The following BEND6 variants were observed in gnomAD, a reference collection of about 807,000 sequenced individuals.
The protein encoded by BEND6 is BEN domain containing 6, also known as BEN domain-containing protein 6.
A neutral mutation model predicts 31.8 loss-of-function variants in BEND6; 24 were observed. That is an observed-to-expected ratio of 0.75 (90% CI 0.55 to 1.06). The LOEUF (loss-of-function observed/expected upper bound fraction) is 1.06, where lower values mean the gene tolerates loss of function less well. Among genes scored for constraint, BEND6 ranks in the 50% least tolerant of loss-of-function variants. The pLI is 0.00. For missense variants in BEND6, 294 were observed against 327.4 expected (o/e 0.90, Z 0.79); for synonymous variants, 109 against 114.6 (o/e 0.95, Z 0.31).
At chr6:57,005,595 G>A (rs564648020) in intron 3 of BEND6, among the ~76,000 whole-genome samples, 31 of 151,476 alleles carry the variant, frequency 2.0e-4, no homozygotes, top group Non-Finnish European at 4.0e-4. Flanking sequence ...CGGGAGAATC[G>A]CTTGAACCCG....
At chr6:56,980,600 C>T (rs560390457) in intron 1 of BEND6, among the ~76,000 whole-genome samples, 6 of 152,280 alleles carry the variant, frequency 3.9e-5, no homozygotes, top group Non-Finnish European at 8.8e-5. Flanking sequence ...AAGCACTATT[C>T]ATGTATTTGA....
intron 6 of BEND6, among the ~76,000 whole-genome samples, chr6:57,022,126 A>C (rs906354179): frequency 4.0e-5 from 6 of 148,460 alleles, no homozygotes; most frequent in African/African-American, 1.5e-4. Context: ...TGAGTTTGGA[A>C]GTATTCCCTC....
intron 3 of BEND6, among the ~76,000 whole-genome samples, chr6:56,997,296 T>G (rs1431457810): frequency 1.3e-5 from 2 of 152,180 alleles, no homozygotes; most frequent in African/African-American, 4.8e-5. Flanking sequence ...GTGACCTTCC[T>G]CCCATCTAAA....
intron 3 of BEND6, among the ~76,000 whole-genome samples, chr6:56,996,694 C>G (rs1221726527): frequency 6.6e-6 from 1 of 152,164 alleles, no homozygotes; most frequent in Non-Finnish European, 1.5e-5. Flanking sequence ...ATGTTATCTT[C>G]ATGTTATCTT....
intron 3 of BEND6, among the ~76,000 whole-genome samples, chr6:57,003,520 A>AACG (rs985513985): frequency 6.6e-6 from 1 of 151,808 alleles, no homozygotes; most frequent in African/African-American, 2.4e-5. Flanking sequence ...CAGCAACAAC[A>AACG]ACAACAACAA....
intron 3 of BEND6, among the ~76,000 whole-genome samples, chr6:57,004,359 T>C (rs1447052665): frequency 2.0e-5 from 3 of 152,186 alleles, no homozygotes; most frequent in Admixed American, 2.0e-4. Context: ...CCAGACTTTC[T>C]TCACCGTGGG....
intron 5 of BEND6, 69 bp from the exon 6 acceptor site, chr6:57,018,352 C>T: frequency 6.8e-7 from 1 of 1,478,866 alleles, no homozygotes; most frequent in Non-Finnish European, 9.0e-7. Context: ...TGATGTTTTA[C>T]CTCAGTTCAT....
chr6:57,015,572 G>A (rs551641231), intron 4 of BEND6, among the ~76,000 whole-genome samples: 15 of 151,536 alleles, frequency 9.9e-5, no homozygotes, highest in Admixed American at 7.9e-4. Context: ...AGGCTGAGGC[G>A]GGCAGATCAT....
intron 6 of BEND6, among the ~76,000 whole-genome samples, chr6:57,021,931 G>A (rs1827756294): frequency 6.6e-6 from 1 of 152,160 alleles, no homozygotes; most frequent in Non-Finnish European, 1.5e-5. Flanking sequence ...GTCAAAACTG[G>A]TGGTACTTCT....
chr6:56,976,668 G>A (rs141238264), intron 1 of BEND6, among the ~76,000 whole-genome samples: 3,326 of 152,036 alleles, frequency 0.022, 140 homozygotes, highest in African/African-American at 0.075. Flanking sequence ...GGGTTCAAGC[G>A]ATTCCCCTGC....
intron 3 of BEND6, among the ~76,000 whole-genome samples, chr6:56,997,402 T>C (rs1219673335): frequency 3.3e-5 from 5 of 152,122 alleles, no homozygotes; most frequent in Non-Finnish European, 7.4e-5. Flanking sequence ...GTATTTAATA[T>C]TGTCCATCTC....
At chr6:56,986,709 C>T in intron 2 of BEND6, among the ~76,000 whole-genome samples, 1 of 152,122 alleles carries the variant, frequency 6.6e-6, no homozygotes, top group Non-Finnish European at 1.5e-5. Context: ...ACCTTCTTTT[C>T]TTGGGAAGTG....
At chr6:57,021,235 A>G (rs554253783) in intron 6 of BEND6, among the ~76,000 whole-genome samples, 130 of 150,978 alleles carry the variant, frequency 8.6e-4, no homozygotes, top group African/African-American at 3.1e-3. Flanking sequence ...TGGAAAAGAC[A>G]GGGTCAGGTA....
At chr6:56,995,098 C>T (rs1826654548) in intron 3 of BEND6, among the ~76,000 whole-genome samples, 1 of 151,976 alleles carries the variant, frequency 6.6e-6, no homozygotes, top group African/African-American at 2.4e-5. Context: ...GCACCAGATC[C>T]CATCCCCTTT....
chr6:56,980,640 C>T (rs1199345604), intron 1 of BEND6, among the ~76,000 whole-genome samples: 2 of 152,118 alleles, frequency 1.3e-5, no homozygotes, highest in Non-Finnish European at 1.5e-5. Context: ...AAAGAAGAGT[C>T]GCAACAAGCA....
At position 56,977,734 on chromosome 6, in the gene BEND6, G is replaced by C. The variant is rs990567451; in HGVS notation, c.-100-3977G>C. Among the ~76,000 whole-genome samples the C allele has an allele frequency of 5.9e-5, 9 of 152,292 alleles. 1 individual carries two copies. The South Asian group carries it at 8.3e-4, about 14-fold the overall frequency. On this transcript the variant is annotated intron_variant, in intron 1 of 6. Coordinates refer to ENST00000370746, the MANE Select transcript of BEND6 (RefSeq NM_152731.3). ...GCATTTGGAAGGCCAAGGCAGGAAGGTCACTTGAAGCCGGGAGTTTGAAAT... is the reference window on the plus strand; with the variant it reads ...GCATTTGGAAGGCCAAGGCAGGAAGCTCACTTGAAGCCGGGAGTTTGAAAT...
chr6:56,977,683 C>G (rs983708898), intron 1 of BEND6, among the ~76,000 whole-genome samples: 1 of 152,134 alleles, frequency 6.6e-6, no homozygotes, highest in Non-Finnish European at 1.5e-5. Context: ...TTCAGCCAGA[C>G]ACAATGGATC....
chr6:57,012,374 A>G, intron 3 of BEND6, among the ~76,000 whole-genome samples: 1 of 152,248 alleles, frequency 6.6e-6, no homozygotes, highest in East Asian at 1.9e-4. Context: ...ATTTATCTAC[A>G]GCTAAAGAAG....
In BEND6 at chr6:57,014,498, T is replaced by C; in HGVS notation, c.299-635T>C. ...GATATAACAACAGAGAAGACCATTT[T>C]ACATGGAGGCATGAAAACTTTGAAT... is the stretch of plus-strand genomic sequence containing the variant. On this transcript the variant is annotated intron_variant, in intron 3 of 6. Transcript: ENST00000370746. 6 of 1,525,080 alleles carry C rather than the reference T, an allele frequency of 3.9e-6. 1 individual carries two copies. The South Asian group carries it at 6.3e-5, about 16-fold the overall frequency. 94.5% of individuals were successfully genotyped at this position (1,525,080 alleles called of 1,614,324 possible).
Sources: allele counts gnomAD v4.1 joint callset (sites outside exome capture counted in the v4.1 genomes callset), GRCh38; gene constraint gnomAD v4.1.1; transcripts MANE v1.5; gene names NCBI Gene and HGNC (gene_info 2026-07-23, HGNC 2026-07-21).